IFT140: variants seen among roughly 807,000 people sequenced by gnomAD.
IFT140 encodes intraflagellar transport 140.
Under a neutral mutation model 164.6 loss-of-function variants are expected in IFT140, and 133 were observed. The ratio of observed to expected loss-of-function variants is 0.81; its 90% CI spans 0.70 to 0.93. The LOEUF is 0.93. Among genes scored for constraint, IFT140 ranks in the 40% least tolerant of loss-of-function variants. The pLI, the probability that IFT140 is intolerant of heterozygous loss-of-function variation, is 0.00. For synonymous variants in IFT140, 860 were observed against 817.3 expected (o/e 1.05, Z -0.89); for missense variants, 2,045 against 1,972.3 (o/e 1.04, Z -0.70).
At chr16:1,517,366 AAG>A (rs150027092) in intron 30 of IFT140, among the ~76,000 whole-genome samples, 27,869 of 146,596 alleles carry the variant, frequency 0.19, 3,668 homozygotes, top group African/African-American at 0.38. Context: ...AAAAAAAAAA[AAG>A]TACAATAATA....
At chr16:1,601,029 G>A (rs1023159397) in intron 4 of IFT140, among the ~76,000 whole-genome samples, 6 of 151,982 alleles carry the variant, frequency 3.9e-5, no homozygotes, top group East Asian at 1.9e-4. Context: ...TTGGGAGGCC[G>A]AGGCAGGCAG....
intron 12 of IFT140, among the ~76,000 whole-genome samples, chr16:1,581,590 A>ACT (rs140950029): frequency 0.19 from 28,343 of 150,944 alleles, 3,423 homozygotes; most frequent in African/African-American, 0.33. Flanking sequence ...ACACAGCAAG[A>ACT]CTGTCTCAGA....
intron 19 of IFT140, among the ~76,000 whole-genome samples, chr16:1,527,762 A>G (rs375927608): frequency 6.6e-6 from 1 of 152,148 alleles, no homozygotes; most frequent in East Asian, 1.9e-4. Flanking sequence ...TTGTAGAGAC[A>G]GGGTTTCGCC....
At chr16:1,591,635 G>A (rs903751235) in intron 6 of IFT140, among the ~76,000 whole-genome samples, 4 of 152,134 alleles carry the variant, frequency 2.6e-5, no homozygotes, top group African/African-American at 9.7e-5. Flanking sequence ...ATTTATTCTG[G>A]CCTTGGCTGC....
intron 19 of IFT140, among the ~76,000 whole-genome samples, chr16:1,538,787 A>G (rs554454123): frequency 6.6e-6 from 1 of 152,270 alleles, no homozygotes; most frequent in South Asian, 2.1e-4. Flanking sequence ...CTCAAAATGC[A>G]GGCCTCACTC....
At chr16:1,548,316 G>A (rs2032340441) in intron 19 of IFT140, among the ~76,000 whole-genome samples, 1 of 152,228 alleles carries the variant, frequency 6.6e-6, no homozygotes, top group Non-Finnish European at 1.5e-5. Flanking sequence ...TCTGCCACCT[G>A]TGTGCATGTG....
chr16:1,511,511 C>T (rs1440352712), intron 30 of IFT140, among the ~76,000 whole-genome samples: 2 of 151,976 alleles, frequency 1.3e-5, no homozygotes, highest in Admixed American at 6.5e-5. Flanking sequence ...GTTCTGCACT[C>T]GAGTCTTGCG....
chr16:1,611,011 G>T (rs897254249), intron 1 of IFT140, among the ~76,000 whole-genome samples, 158 bp from the exon 2 acceptor site: 1 of 152,256 alleles, frequency 6.6e-6, no homozygotes, highest in Non-Finnish European at 1.5e-5. Context: ...TCCCGAGGCG[G>T]AGCCTTTCCA....
intron 19 of IFT140, chr16:1,557,649 T>C (rs1243303759): frequency 7.8e-6 from 3 of 384,178 alleles, no homozygotes; most frequent in Non-Finnish European, 1.4e-5. Context: ...GGAGCAATTA[T>C]TCCCAGAGGG....
Position 1,520,014 on chromosome 16 carries a change from C to T in IFT140, c.3907G>A (p.Ala1303Thr), listed in dbSNP as rs1035130199. 2 of 1,601,786 alleles carry T rather than the reference C, an allele frequency of 1.2e-6. No individual in the cohort carries two copies. The highest frequency in any genetic ancestry group is 1.7e-6 in the Non-Finnish European group (2 of 1,174,376). Residue 1303 changes from alanine (A) to threonine (T), a missense_variant, in exon 29 of 31, where the codon GCC becomes ACC. Transcript: ENST00000426508. ...EIDEYQNYDK[A>T]HGALTEAYKC... ...TAGGCCTCGGTCAGCGCCCCGTGGG[C>T]TTTGTCGTAGTTCTGGTATTCATCA... is the stretch of plus-strand genomic sequence containing the variant.
At position 1,511,182 on chromosome 16, in the gene IFT140, T is replaced by C. The variant is rs751180152; in HGVS notation, c.4183-32A>G. The C allele has an allele frequency of 3.2e-6, 5 of 1,570,760 alleles. No homozygotes were observed. In the African/African-American group the frequency reaches 6.7e-5, roughly 21 times the overall value. ...CAGAGGAGCAGACATTACTCAGCTTTCCTGAACAACCAGGCACGACCCTCT... is the reference window on the plus strand; with the variant it reads ...CAGAGGAGCAGACATTACTCAGCTTCCCTGAACAACCAGGCACGACCCTCT... On this transcript the variant is annotated intron_variant, in intron 30 of 30. Coordinates refer to ENST00000426508, the MANE Select transcript of IFT140 (RefSeq NM_014714.4).
intron 19 of IFT140, chr16:1,557,670 T>A: frequency 2.1e-6 from 1 of 487,222 alleles, no homozygotes; most frequent in Non-Finnish European, 3.7e-6. Flanking sequence ...ATGGGTATTA[T>A]AGATGTTTAG....
At chr16:1,514,323 TCAC>T (rs1295124182) in intron 30 of IFT140, 1 of 151,964 alleles carries the variant, frequency 6.6e-6, no homozygotes, top group Non-Finnish European at 1.5e-5. Flanking sequence ...TGAGCCGAGA[TCAC>T]GCCACTGCAC....
Position 1,564,593 on chromosome 16 carries a change from T to G in IFT140, c.1902-431A>C, listed in dbSNP as rs1052739516. ...ACCGGTCCCTGTGCCATGCTGCCCC[T>G]TGGACCCAGGTCCCTCCCATCTCTA... is the stretch of plus-strand genomic sequence containing the variant. On this transcript the variant is annotated intron_variant, in intron 16 of 30. Transcript: ENST00000426508. The surrounding 1 kb of genome is among the most constrained non-coding windows in gnomAD (Gnocchi z 5.5). Among the ~76,000 whole-genome samples the G allele has an allele frequency of 4.1e-4, 63 of 152,280 alleles. No individual in the cohort carries two copies. The highest frequency in any genetic ancestry group is 1.4e-3 in the African/African-American group (58 of 41,568).
At chr16:1,542,265 A>T (rs2076445) in intron 19 of IFT140, among the ~76,000 whole-genome samples, 65,965 of 152,142 alleles carry the variant, frequency 0.43, 15,720 homozygotes, top group African/African-American at 0.63. Flanking sequence ...GAATGATGAA[A>T]GACAGAAACA....
chr16:1,526,639 C>G lies in IFT140; in HGVS notation c.2557G>C (p.Ala853Pro). The G allele has an allele frequency of 1.9e-6, 3 of 1,572,282 alleles. No individual in the cohort carries two copies. Among genetic ancestry groups the G allele is most frequent in the Non-Finnish European group, 2.6e-6 (3 of 1,167,040 alleles). ...PELEARVAVL[A>P]TQLGMLEDAE... ...CTCACCAGCATGCCCAGCTGCGTGG[C>G]CAGCACGGCCACGCGGGCCTCTAGC... Residue 853 changes from alanine (A) to proline (P), a missense_variant, in exon 20 of 31, where the codon GCC (alanine) becomes CCC (proline). By Grantham distance (27) the Ala-to-Pro change is conservative. Coordinates refer to ENST00000426508, the MANE Select transcript of IFT140 (RefSeq NM_014714.4).
chr16:1,535,977 C>T (rs1003381234), intron 19 of IFT140, among the ~76,000 whole-genome samples: 2 of 152,242 alleles, frequency 1.3e-5, no homozygotes, highest in Non-Finnish European at 2.9e-5. Flanking sequence ...AAGAAGGAGC[C>T]GCAGCCCCGT....
rs1329488330 is a variant in IFT140, at chr16:1,568,239, G to A, written c.1748C>T (p.Thr583Ile). Residue 583 changes from threonine to isoleucine, a missense_variant, in exon 15 of 31, where the codon ACC becomes ATC. Transcript: ENST00000426508. ...ASLRCSSSGS[T>I]ISILPSKADN... The stretch of plus-strand genomic sequence containing the variant: ...CACCTTGCTGGGGAGGATGCTGATG[G>A]TGCTCCCGCTGCTGCTGCACCGCAG... 7 of 1,606,998 alleles carry A rather than the reference G, an allele frequency of 4.4e-6. No homozygotes were observed. Among genetic ancestry groups the A allele is most frequent in the East Asian group, 2.2e-5 (1 of 44,654 alleles).
intron 19 of IFT140, chr16:1,534,260 G>A (rs750317245): frequency 1.1e-4 from 176 of 1,608,272 alleles, no homozygotes; most frequent in South Asian, 2.8e-4. Flanking sequence ...GATAAGCGGC[G>A]GCACCGGCGT....
Sources: gnomAD v4.1 joint callset for allele counts (sites outside exome capture counted in the v4.1 genomes callset) on GRCh38, gnomAD v4.1.1 for gene constraint, Gnocchi (gnomAD v3.1) non-coding constraint, MANE v1.5 for transcripts, NCBI Gene and HGNC (gene_info 2026-07-23, HGNC 2026-07-21) for gene names.